RNMT: variants seen among roughly 807,000 people sequenced by gnomAD.
The protein encoded by RNMT is RNA guanine-7 methyltransferase.
RNMT carries 27 observed loss-of-function variants against 56.0 expected under a neutral mutation model. The ratio of observed to expected loss-of-function variants is 0.48; its 90% CI spans 0.36 to 0.67. RNMT has a LOEUF of 0.67. Among genes scored for constraint, RNMT ranks in the 30% least tolerant of loss-of-function variants. The pLI is 0.00. For synonymous variants in RNMT, 184 were observed against 176.2 expected, an observed-to-expected ratio of 1.04 and a Z score of -0.35; for missense variants, 519 against 552.1, an observed-to-expected ratio of 0.94 and a Z score of 0.60.
chr18:13,735,383 G>A (rs2044141512), intron 4 of RNMT, among the ~76,000 whole-genome samples: 2 of 151,888 alleles, frequency 1.3e-5, no homozygotes. Context: ...AACTAACTAG[G>A]CTTACTTTGA....
intron 11 of RNMT, among the ~76,000 whole-genome samples, chr18:13,756,097 T>C (rs1160236018): frequency 6.6e-6 from 1 of 152,200 alleles, no homozygotes; most frequent in Non-Finnish European, 1.5e-5. Flanking sequence ...CCAGGCTACA[T>C]TTTAGACTTC....
chr18:13,746,775 T>G (rs1202479045), intron 9 of RNMT, among the ~76,000 whole-genome samples: 1 of 152,196 alleles, frequency 6.6e-6, no homozygotes, highest in Non-Finnish European at 1.5e-5. Flanking sequence ...TTGCCCCAAG[T>G]TGAGAACCAG....
intron 7 of RNMT, among the ~76,000 whole-genome samples, chr18:13,742,224 G>A (rs1169397479): frequency 6.6e-6 from 1 of 151,876 alleles, no homozygotes; most frequent in Non-Finnish European, 1.5e-5. Flanking sequence ...TGTAGTCCTT[G>A]CTCAGGAGGC....
chr18:13,757,119 T>C (rs2044556273), intron 11 of RNMT, among the ~76,000 whole-genome samples: 2 of 152,012 alleles, frequency 1.3e-5, no homozygotes, highest in African/African-American at 4.8e-5. Flanking sequence ...CTGAAAACCA[T>C]GTACATACCT....
Position 13,731,723 on chromosome 18 carries a change from A to G in RNMT, c.206A>G (p.Glu69Gly), listed in dbSNP as rs776808773. 1.9e-6 allele frequency: 3 copies of G among 1,613,388 alleles called. No individual in the cohort carries two copies. Among genetic ancestry groups the G allele is most frequent in the East Asian group, 4.5e-5 (2 of 44,848 alleles). ...RKEFEDDLVK[E>G]SSSCGKDTPS... ...GAGTTTGAAGATGATCTTGTAAAGG[A>G]AAGTTCTAGTTGTGGGAAAGACACT... is the stretch of plus-strand genomic sequence containing the variant. The change falls in exon 3 of 12, where the codon GAA becomes GGA. Residue 69 changes from glutamate to glycine, a missense_variant. Glu to Gly is a moderately conservative substitution (Grantham distance 98). Coordinates refer to ENST00000383314, the MANE Select transcript of RNMT (RefSeq NM_003799.3).
In RNMT at chr18:13,742,357, A is replaced by G. The variant is rs542213535; in HGVS notation, c.975-131A>G. 1.4e-4 allele frequency: 96 copies of G among 699,370 alleles called. No homozygotes were observed. The African/African-American group carries it at 1.7e-3, about 12-fold the overall frequency. 43.3% of individuals were successfully genotyped at this position (699,370 alleles called of 1,614,324 possible). On this transcript the variant is annotated intron_variant, in intron 7 of 11. Coordinates refer to ENST00000383314, the MANE Select transcript of RNMT (RefSeq NM_003799.3). ...CACTTTAAAAAAAAAAAAAAAAGGT[A>G]GCCCAGATATAATTAAAAGGCTAAT...
At position 13,730,622 on chromosome 18, in the gene RNMT, A is replaced by G. The variant is rs551214665; in HGVS notation, c.-171-5A>G. ...TCTTGATTAATCACAATCCCTTACT[A>G]ACAGGATGTGTGAACCTATTGGGTA... On this transcript the variant is annotated splice_region_variant and splice_polypyrimidine_tract_variant and intron_variant, in intron 1 of 11. Coordinates refer to ENST00000383314, the MANE Select transcript of RNMT (RefSeq NM_003799.3). 2 of 152,320 alleles carry G rather than the reference A, an allele frequency of 1.3e-5. No individual in the cohort carries two copies. The highest frequency in any genetic ancestry group is 4.8e-5 in the African/African-American group (2 of 41,568). 9.4% of individuals were successfully genotyped at this position (152,320 alleles called of 1,614,324 possible).
In RNMT at chr18:13,728,300, C is replaced by CTT. The variant is rs1204415985; in HGVS notation, c.-172+1601_-172+1602dup. On this transcript the variant is annotated intron_variant, in intron 1 of 11. Coordinates refer to ENST00000383314, the MANE Select transcript of RNMT (RefSeq NM_003799.3). ...CTGCATCCTGCATCCTCATCAGCAT[C>CTT]TTTTTTTTTTTTTTTTTTTTTTTTT... 1.5e-3 allele frequency among the ~76,000 whole-genome samples: 165 copies of CTT among 109,636 alleles called. 8 individuals carry two copies. Among genetic ancestry groups the CTT allele is most frequent in the African/African-American group, 4.6e-3 (127 of 27,596 alleles). The allele number at this position is 109,636 out of a possible 152,430, so 71.9% of individuals were successfully genotyped here.
At chr18:13,733,517 ACAG>A (rs2044110167) in intron 3 of RNMT, among the ~76,000 whole-genome samples, 1 of 152,026 alleles carries the variant, frequency 6.6e-6, no homozygotes, top group African/African-American at 2.4e-5. Flanking sequence ...AGCTGGAATT[ACAG>A]GTGTGCACCA....
intron 9 of RNMT, among the ~76,000 whole-genome samples, chr18:13,746,914 T>A (rs1283396370): frequency 4.6e-5 from 7 of 152,042 alleles, no homozygotes; most frequent in Non-Finnish European, 4.4e-5. Flanking sequence ...TCTTTTAGAC[T>A]GTGTTGTTGC....
chr18:13,748,138 G>A lies in RNMT; in HGVS notation c.1257+1801G>A, dbSNP rs149066779. 1.4e-4 allele frequency among the ~76,000 whole-genome samples: 22 copies of A among 152,320 alleles called. No individual in the cohort carries two copies. In the East Asian group the frequency reaches 3.1e-3, roughly 21 times the overall value. On this transcript the variant is annotated intron_variant, in intron 9 of 11. Coordinates refer to ENST00000383314, the MANE Select transcript of RNMT (RefSeq NM_003799.3). ...GCAGTGAGTATATAAAGGGCCTTTT[G>A]GGAAGGAAGAAGATTGGTAGAGGAC...
Position 13,762,424 on chromosome 18 carries a change from C to T in RNMT, c.*2445C>T, listed in dbSNP as rs2044631886. The T allele has an allele frequency of 1.3e-5, 5 of 393,510 alleles. No individual in the cohort carries two copies. The highest frequency in any genetic ancestry group is 2.1e-5 in the African/African-American group (1 of 47,420). The allele number at this position is 393,510 out of a possible 1,614,324, so 24.4% of individuals were successfully genotyped here. On this transcript the variant is annotated 3_prime_UTR_variant, in exon 12 of 12. Transcript: ENST00000383314. Reference sequence around the variant, plus strand: ...TTCTGTGAGAGTGACTCTGCAGAGTCACTGCACCATCAGGCTTGGCCCTGC... The same window carrying T: ...TTCTGTGAGAGTGACTCTGCAGAGTTACTGCACCATCAGGCTTGGCCCTGC...
At chr18:13,759,148 G>A (rs906463542) in intron 11 of RNMT, among the ~76,000 whole-genome samples, 102 of 152,274 alleles carry the variant, frequency 6.7e-4, no homozygotes, top group African/African-American at 2.3e-3. Context: ...AAGAATTACC[G>A]TAATGTGACA....
At chr18:13,742,693 T>C (rs367611676) in intron 8 of RNMT, 41 bp downstream of exon 8, 338 of 1,469,594 alleles carry the variant, frequency 2.3e-4, no homozygotes, top group Non-Finnish European at 3.0e-4. Flanking sequence ...CTTTTTGTCT[T>C]AAGGGAAAGA....
chr18:13,737,981 G>A (rs2044191670), intron 5 of RNMT, among the ~76,000 whole-genome samples: 1 of 151,720 alleles, frequency 6.6e-6, no homozygotes, highest in Non-Finnish European at 1.5e-5. Flanking sequence ...GCCATTAAGG[G>A]AAAAGTCGAT....
At chr18:13,735,014 TTATC>T (rs1215568092) in intron 4 of RNMT, among the ~76,000 whole-genome samples, 1 of 152,182 alleles carries the variant, frequency 6.6e-6, no homozygotes, top group African/African-American at 2.4e-5. Context: ...AGCCAACATT[TTATC>T]TATGGAAACT....
At chr18:13,737,284 T>G in intron 5 of RNMT, 149 bp downstream of exon 5, 1 of 703,958 alleles carries the variant, frequency 1.4e-6, no homozygotes, top group Non-Finnish European at 2.3e-6. Context: ...GGCTCATGCC[T>G]GTAATCCAAC....
chr18:13,760,355 G>A lies in RNMT; in HGVS notation c.*376G>A. On this transcript the variant is annotated 3_prime_UTR_variant, in exon 12 of 12. Transcript: ENST00000383314. Reference sequence around the variant, plus strand: ...TTCAATTTATTGCAGTTATAGAATTGGTCAGAGAGCATTTTCATAGTGTGC... The same window carrying A: ...TTCAATTTATTGCAGTTATAGAATTAGTCAGAGAGCATTTTCATAGTGTGC... The A allele has an allele frequency of 1.0e-6, 1 of 1,003,400 alleles. No individual in the cohort carries two copies. The highest frequency in any genetic ancestry group is 5.8e-5 in the Admixed American group (1 of 17,360). The allele number at this position is 1,003,400 out of a possible 1,614,324, so 62.2% of individuals were successfully genotyped here.
chr18:13,737,201 G>A lies in RNMT; in HGVS notation c.679+66G>A, dbSNP rs2044174893. The A allele has an allele frequency of 8.6e-6, 12 of 1,400,880 alleles. No individual in the cohort carries two copies. The South Asian group carries it at 1.2e-4, about 14-fold the overall frequency. The allele number at this position is 1,400,880 out of a possible 1,614,324, so 86.8% of individuals were successfully genotyped here. The stretch of plus-strand genomic sequence containing the variant: ...AGATAAATGGAAAATAAGAAGGATT[G>A]TCTCAAATTGCAAGATATCTGGGAC... On this transcript the variant is annotated intron_variant, in intron 5 of 11. Coordinates refer to ENST00000383314, the MANE Select transcript of RNMT (RefSeq NM_003799.3).
Sources: allele counts gnomAD v4.1 joint callset (sites outside exome capture counted in the v4.1 genomes callset), GRCh38; gene constraint gnomAD v4.1.1; transcripts MANE v1.5; gene names NCBI Gene and HGNC (gene_info 2026-07-23, HGNC 2026-07-21).